The following GNA15 variants were observed in gnomAD, a reference collection of about 807,000 sequenced individuals.
GNA15 encodes the protein guanine nucleotide-binding protein subunit alpha-15.
GNA15 carries 23 observed loss-of-function variants against 40.1 expected under a neutral mutation model. That is an observed-to-expected ratio of 0.57 (90% CI 0.41 to 0.81). The LOEUF (loss-of-function observed/expected upper bound fraction) is 0.81. Among genes scored for constraint, GNA15 ranks in the 40% least tolerant of loss-of-function variants. The pLI, the probability that GNA15 is intolerant of heterozygous loss-of-function variation, is 0.00. For synonymous variants in GNA15, 226 were observed against 210.4 expected (o/e 1.07, Z -0.64); for missense variants, 522 against 515.8 (o/e 1.01, Z -0.12).
chr19:3,141,170 C>T (rs896907393), intron 1 of GNA15, among the ~76,000 whole-genome samples: 9 of 151,984 alleles, frequency 5.9e-5, no homozygotes, highest in Admixed American at 2.6e-4. Flanking sequence ...AGAATGAAGC[C>T]GTGAGCCGGG....
At chr19:3,158,555 A>G (rs191711585) in intron 6 of GNA15, among the ~76,000 whole-genome samples, 1 of 152,258 alleles carries the variant, frequency 6.6e-6, no homozygotes, top group East Asian at 1.9e-4. Flanking sequence ...GCACTTCTGG[A>G]AAGATTGTCT....
intron 1 of GNA15, among the ~76,000 whole-genome samples, chr19:3,147,650 T>G (rs1294922416): frequency 1.3e-5 from 2 of 151,734 alleles, no homozygotes; most frequent in Non-Finnish European, 1.5e-5. Context: ...CTCACGCTTG[T>G]AATCCCAGCA....
chr19:3,148,867 T>TCAGGGCAGGGCAGGGCAGGG, intron 2 of GNA15, 92 bp downstream of exon 2: 1 of 1,200,276 alleles, frequency 8.3e-7, no homozygotes, highest in Non-Finnish European at 1.2e-6. Context: ...TCCCCAGACT[T>TCAGGGCAGGGCAGGGCAGGG]CAGGGCAGGG....
Position 3,136,236 on chromosome 19 carries a change from C to G in GNA15, c.-215C>G, listed in dbSNP as rs903581735. 4.4e-5 allele frequency: 24 copies of G among 541,174 alleles called. No homozygotes were observed. Among genetic ancestry groups the G allele is most frequent in the South Asian group, 1.7e-4 (8 of 47,568 alleles). 33.5% of individuals were successfully genotyped at this position (541,174 alleles called of 1,614,324 possible). On this transcript the variant is annotated 5_prime_UTR_variant, in exon 1 of 7. Transcript: ENST00000262958. This position sits in a 1 kb window ranked among gnomAD's most constrained non-coding sequence, Gnocchi z 4.9. Reference sequence around the variant, plus strand: ...CACCTCCTCCCGTCCCCACCCTGTTCCCAGCACTCAAGCCTTGCCACCGCC... The same window carrying G: ...CACCTCCTCCCGTCCCCACCCTGTTGCCAGCACTCAAGCCTTGCCACCGCC...
chr19:3,157,955 C>G, intron 6 of GNA15, 74 bp downstream of exon 6: 1 of 1,199,026 alleles, frequency 8.3e-7, no homozygotes, highest in Non-Finnish European at 1.2e-6. Flanking sequence ...AATCCAGACT[C>G]TACTTCAGCC....
chr19:3,146,503 G>A (rs436493), intron 1 of GNA15: 10,656 of 152,046 alleles, frequency 0.07, 468 homozygotes, highest in Non-Finnish European at 0.1. Flanking sequence ...GCTCAGAAGA[G>A]CCTGAAGTTT....
intron 1 of GNA15, among the ~76,000 whole-genome samples, chr19:3,144,532 T>C (rs1914651075): frequency 6.6e-6 from 1 of 151,124 alleles, no homozygotes; most frequent in African/African-American, 2.4e-5. Flanking sequence ...ATTTATATTT[T>C]ATTTATTTTT....
At chr19:3,144,718 C>CG (rs535170523) in intron 1 of GNA15, among the ~76,000 whole-genome samples, 1 of 150,648 alleles carries the variant, frequency 6.6e-6, no homozygotes, top group Admixed American at 6.6e-5. Context: ...TTAGTAGAGA[C>CG]GGGGTTTCAC....
At chr19:3,149,986 G>A (rs1226769256) in intron 2 of GNA15, 145 bp from the exon 3 acceptor site, 4 of 644,194 alleles carry the variant, frequency 6.2e-6, no homozygotes, top group African/African-American at 3.7e-5. Context: ...AGAAGTGTGC[G>A]GGGGGGTCGG....
In GNA15 at chr19:3,151,145, C is replaced by G. The variant is rs1914872811; in HGVS notation, c.486-562C>G. Among the ~76,000 whole-genome samples, 11 of 151,412 alleles carry G rather than the reference C, an allele frequency of 7.3e-5. No individual in the cohort carries two copies. In the South Asian group the frequency reaches 2.3e-3, roughly 32 times the overall value. On this transcript the variant is annotated intron_variant, in intron 3 of 6. Coordinates refer to ENST00000262958, the MANE Select transcript of GNA15 (RefSeq NM_002068.4). The surrounding 1 kb of genome is among the most constrained non-coding windows in gnomAD (Gnocchi z 5.0). ...TGGCGGGAACCTGTTCCTAGAGTGC[C>G]CCTGTTTTAGAAGGGACCCTTTTCT...
At chr19:3,145,357 A>ATTTTTTTT (rs1425408476) in intron 1 of GNA15, among the ~76,000 whole-genome samples, 8 of 41,668 alleles carry the variant, frequency 1.9e-4, no homozygotes, top group African/African-American at 9.1e-4. Flanking sequence ...ATATATATAT[A>ATTTTTTTT]TATTTTTTTT....
intron 4 of GNA15, among the ~76,000 whole-genome samples, chr19:3,152,840 A>G (rs1914911798): frequency 6.6e-6 from 1 of 152,096 alleles, no homozygotes; most frequent in Non-Finnish European, 1.5e-5. Context: ...AGTCCTTACT[A>G]GGAAGGTTCA....
At position 3,150,102 on chromosome 19, in the gene GNA15, C is replaced by T. The variant is rs1186991411; in HGVS notation, c.331-29C>T. The T allele has an allele frequency of 4.4e-6, 7 of 1,603,850 alleles. No homozygotes were observed. In the South Asian group the frequency reaches 7.8e-5, roughly 18 times the overall value. ...AGGGCAGCCCCACTCAGAAAGGCTA[C>T]CCTAACTGCCCCCGTCCTCCCTCCC... On this transcript the variant is annotated intron_variant, in intron 2 of 6. Coordinates refer to ENST00000262958, the MANE Select transcript of GNA15 (RefSeq NM_002068.4).
rs59955919 is a variant in GNA15 at position 3,140,044 on chromosome 19, AATCTATCT to A, written c.145+3484_145+3491del. 1.2e-3 allele frequency among the ~76,000 whole-genome samples: 155 copies of A among 124,104 alleles called. 2 individuals are homozygous for A. Among genetic ancestry groups the A allele is most frequent in the Admixed American group, 4.2e-3 (52 of 12,494 alleles). 81.4% of individuals were successfully genotyped at this position (124,104 alleles called of 152,430 possible). A position where few individuals can be genotyped will look rare whatever the true frequency, so the allele number is the denominator to read the frequency against. On this transcript the variant is annotated intron_variant, in intron 1 of 6. Coordinates refer to ENST00000262958, the MANE Select transcript of GNA15 (RefSeq NM_002068.4). ...GTGAAACTCCATCTCAAAAAAAAAA[AATCTATCT>A]ATCTATCTATCTATCTATCTATCTA...
chr19:3,162,312 C>A (rs1019926310), intron 6 of GNA15, among the ~76,000 whole-genome samples: 1 of 151,470 alleles, frequency 6.6e-6, no homozygotes. Flanking sequence ...TGGTGGCAGG[C>A]GCCTGTAATC....
rs761945958 is a variant in GNA15 at position 3,155,638 on chromosome 19, A to C, written c.615-185A>C. On this transcript the variant is annotated intron_variant, in intron 4 of 6. Coordinates refer to ENST00000262958, the MANE Select transcript of GNA15 (RefSeq NM_002068.4). This position sits in a 1 kb window ranked among gnomAD's most constrained non-coding sequence, Gnocchi z 5.6. The stretch of plus-strand genomic sequence containing the variant: ...CTCCTCCCTGGATCTCAGGCTTCTC[A>C]TCTGTAAAATGGGCGTAAGACTCAT... Among the ~76,000 whole-genome samples the C allele has an allele frequency of 2.9e-4, 44 of 152,136 alleles. No homozygotes were observed. Among genetic ancestry groups the C allele is most frequent in the Admixed American group, 2.0e-4 (3 of 15,276 alleles).
intron 1 of GNA15, among the ~76,000 whole-genome samples, chr19:3,147,902 A>G (rs1018467191): frequency 3.3e-5 from 5 of 151,332 alleles, no homozygotes; most frequent in Admixed American, 6.6e-5. Context: ...AAAAAAAAAA[A>G]AAGAAGAGAA....
Position 3,163,137 on chromosome 19 carries a change from G to A in GNA15, c.*118G>A, listed in dbSNP as rs898667173. The A allele has an allele frequency of 1.0e-5, 7 of 686,932 alleles. No homozygotes were observed. Among genetic ancestry groups the A allele is most frequent in the East Asian group, 2.7e-5 (1 of 36,990 alleles). The allele number at this position is 686,932 out of a possible 1,614,324, so 42.6% of individuals were successfully genotyped here. A position where few individuals can be genotyped will look rare whatever the true frequency, so the allele number is the denominator to read the frequency against. ...GCCTCGGCCCACACGCAAGGGAGTC[G>A]GGGGACGGACGGCCCGCTGCTGGCC... On this transcript the variant is annotated 3_prime_UTR_variant, in exon 7 of 7. Coordinates refer to ENST00000262958, the MANE Select transcript of GNA15 (RefSeq NM_002068.4).
chr19:3,157,653 C>T (rs1915058789), intron 5 of GNA15, 75 bp from the exon 6 acceptor site: 1 of 1,363,734 alleles, frequency 7.3e-7, no homozygotes, highest in South Asian at 1.2e-5. Context: ...GCCAACAGCC[C>T]CGTCTCCGCG....
Sources: gnomAD v4.1 joint callset for allele counts (sites outside exome capture counted in the v4.1 genomes callset) on GRCh38, gnomAD v4.1.1 for gene constraint, Gnocchi (gnomAD v3.1) non-coding constraint, MANE v1.5 for transcripts, NCBI Gene and HGNC (gene_info 2026-07-23, HGNC 2026-07-21) for gene names.